MCTP1: variants seen among roughly 807,000 people sequenced by gnomAD.
MCTP1 encodes multiple C2 and transmembrane domain-containing protein 1.
MCTP1 carries 69 observed loss-of-function variants against 120.6 expected under a neutral mutation model. The ratio of observed to expected loss-of-function variants is 0.57; its 90% CI spans 0.47 to 0.70. The LOEUF is 0.70. MCTP1 is among the 30% of genes least tolerant of loss of function. The probability of loss-of-function intolerance (pLI) is 0.00; values close to 1 mark genes in which losing one functional copy is unlikely to be tolerated. For missense variants in MCTP1, 1,203 were observed against 1,248.8 expected (o/e 0.96, Z 0.55); for synonymous variants, 529 against 493.1 (o/e 1.07, Z -0.96).
chr5:95,042,023 G>A (rs908209651), intron 1 of MCTP1, among the ~76,000 whole-genome samples: 2 of 152,130 alleles, frequency 1.3e-5, no homozygotes, highest in African/African-American at 4.8e-5. Context: ...AGTTCAAAGT[G>A]CAAAAGTCTG....
intron 3 of MCTP1, among the ~76,000 whole-genome samples, chr5:94,951,473 C>G (rs1462458541): frequency 6.6e-6 from 1 of 152,132 alleles, no homozygotes; most frequent in African/African-American, 2.4e-5. Flanking sequence ...AAATAAACTT[C>G]TTTCTTCTCA....
At chr5:94,886,507 C>T (rs1385211929) in intron 12 of MCTP1, among the ~76,000 whole-genome samples, 1 of 152,102 alleles carries the variant, frequency 6.6e-6, no homozygotes, top group Non-Finnish European at 1.5e-5. Flanking sequence ...AGATTTGTCT[C>T]GTTAGACTTA....
chr5:94,992,302 G>A (rs1251775920), intron 2 of MCTP1, among the ~76,000 whole-genome samples: 2 of 152,102 alleles, frequency 1.3e-5, no homozygotes, highest in East Asian at 3.8e-4. Context: ...GGATGATGAT[G>A]ATGATGATGA....
intron 1 of MCTP1, among the ~76,000 whole-genome samples, chr5:95,225,340 G>C (rs1754137353): frequency 1.3e-5 from 2 of 152,116 alleles, no homozygotes; most frequent in South Asian, 4.1e-4. Flanking sequence ...AGAGATGTTA[G>C]AATAATTCAG....
At chr5:95,006,544 A>G (rs1288769353) in intron 2 of MCTP1, among the ~76,000 whole-genome samples, 3 of 152,200 alleles carry the variant, frequency 2.0e-5, no homozygotes, top group Non-Finnish European at 2.9e-5. Context: ...GCTATACCTG[A>G]TTCCCACCAA....
rs577175348 is a variant in MCTP1, at chr5:95,235,614, A to T, written c.720+48242T>A. On this transcript the variant is annotated intron_variant, in intron 1 of 22. Coordinates refer to ENST00000515393, the MANE Select transcript of MCTP1 (RefSeq NM_024717.7). Reference sequence around the variant, plus strand: ...CCTGAACTTAAAATAAAAGTTAGAAATTTTTTTTAAAAAGTGTATTGTGCA... The same window carrying T: ...CCTGAACTTAAAATAAAAGTTAGAATTTTTTTTTAAAAAGTGTATTGTGCA... 5.3e-5 allele frequency among the ~76,000 whole-genome samples: 8 copies of T among 152,186 alleles called. No homozygotes were observed. The East Asian group carries it at 5.8e-4, about 11-fold the overall frequency.
intron 1 of MCTP1, among the ~76,000 whole-genome samples, chr5:95,020,115 G>A (rs1837912622): frequency 6.6e-6 from 1 of 151,990 alleles, no homozygotes; most frequent in African/African-American, 2.4e-5. Context: ...TTTTCTACAT[G>A]CCCTGCATCT....
rs941075437 is a variant in MCTP1, at chr5:95,176,314, G to A, written c.720+107542C>T. Among the ~76,000 whole-genome samples, 6 of 152,136 alleles carry A rather than the reference G, an allele frequency of 3.9e-5. No homozygotes were observed. In the South Asian group the frequency reaches 8.3e-4, roughly 21 times the overall value. ...CAAAGGTGGGCAGATCACTTGAGCCGAGGAGTTCGAGACTAGCCTGGCCAC... is the reference window on the plus strand; with the variant it reads ...CAAAGGTGGGCAGATCACTTGAGCCAAGGAGTTCGAGACTAGCCTGGCCAC... On this transcript the variant is annotated intron_variant, in intron 1 of 22. Coordinates refer to ENST00000515393, the MANE Select transcript of MCTP1 (RefSeq NM_024717.7).
At chr5:94,779,072 C>G (rs113244703) in intron 19 of MCTP1, 38 bp downstream of exon 19, 2 of 1,571,990 alleles carry the variant, frequency 1.3e-6, no homozygotes, top group Non-Finnish European at 1.8e-6. Context: ...CTACATTTCC[C>G]CATCCCCAGG....
chr5:94,737,483 T>A lies in MCTP1; in HGVS notation c.2611-22597A>T, dbSNP rs184168235. 1.0e-3 allele frequency among the ~76,000 whole-genome samples: 159 copies of A among 152,314 alleles called. 1 individual carries two copies. The highest frequency in any genetic ancestry group is 3.7e-3 in the African/African-American group (153 of 41,576). Reference sequence around the variant, plus strand: ...TCACTGTTTGAATACTAAATAGGGATGTTTCTTGAGTGAGTACTGAATAGA... The same window carrying A: ...TCACTGTTTGAATACTAAATAGGGAAGTTTCTTGAGTGAGTACTGAATAGA... On this transcript the variant is annotated intron_variant, in intron 19 of 22. Coordinates refer to ENST00000515393, the MANE Select transcript of MCTP1 (RefSeq NM_024717.7).
Position 95,285,038 on chromosome 5 carries a change from C to G in MCTP1, c.-463G>C, listed in dbSNP as rs1486493521. ...CCCTCTGGGCAGCACCTGTCAGCGG[C>G]GGGGGCGGCTGCCTCCAAATTGGGC... is the stretch of plus-strand genomic sequence containing the variant. On this transcript the variant is annotated 5_prime_UTR_variant, in exon 1 of 23. Transcript: ENST00000515393. Among the ~76,000 whole-genome samples, 1 of 152,010 alleles carries G rather than the reference C, an allele frequency of 6.6e-6. No individual in the cohort carries two copies. The highest frequency in any genetic ancestry group is 6.5e-5 in the Admixed American group (1 of 15,278).
intron 1 of MCTP1, among the ~76,000 whole-genome samples, chr5:95,205,364 TA>T (rs1398119677): frequency 6.6e-6 from 1 of 151,980 alleles, no homozygotes; most frequent in Non-Finnish European, 1.5e-5. Context: ...ATCAAAGAAC[TA>T]AAGGTAAAAG....
chr5:94,910,184 G>A (rs1414479345), intron 9 of MCTP1, among the ~76,000 whole-genome samples: 1 of 92,760 alleles, frequency 1.1e-5, no homozygotes, highest in Admixed American at 1.1e-4. Context: ...ATATATGTAT[G>A]TGTGCATACA....
At chr5:94,812,660 AG>A (rs139994885) in intron 17 of MCTP1, among the ~76,000 whole-genome samples, 2,383 of 152,166 alleles carry the variant, frequency 0.016, 27 homozygotes, top group Middle Eastern at 0.034. Flanking sequence ...GCTACTTAGG[AG>A]GCTGAGGTAG....
chr5:94,828,273 C>T (rs1355889523), intron 17 of MCTP1, among the ~76,000 whole-genome samples: 17 of 152,198 alleles, frequency 1.1e-4, no homozygotes, highest in Non-Finnish European at 2.2e-4. Flanking sequence ...CTGGGTATCA[C>T]CAGCAGAGGC....
At chr5:95,231,955 CT>C (rs1411733079) in intron 1 of MCTP1, among the ~76,000 whole-genome samples, 1 of 152,002 alleles carries the variant, frequency 6.6e-6, no homozygotes, top group Non-Finnish European at 1.5e-5. Context: ...AACCTTAGTT[CT>C]TTTGTCATTT....
At chr5:94,962,136 A>T (rs1422302982) in intron 2 of MCTP1, among the ~76,000 whole-genome samples, 1 of 152,114 alleles carries the variant, frequency 6.6e-6, no homozygotes, top group Non-Finnish European at 1.5e-5. Context: ...AATAATAAAA[A>T]AAAAGAAATA....
chr5:94,821,167 G>A (rs1003359570), intron 17 of MCTP1, among the ~76,000 whole-genome samples: 1 of 152,176 alleles, frequency 6.6e-6, no homozygotes, highest in Admixed American at 6.5e-5. Context: ...TCTACTGAGG[G>A]AAGTTAAATG....
At chr5:95,053,559 GA>G (rs1746572400) in intron 1 of MCTP1, among the ~76,000 whole-genome samples, 2 of 152,158 alleles carry the variant, frequency 1.3e-5, no homozygotes, top group African/African-American at 4.8e-5. Flanking sequence ...GCAGGCTATT[GA>G]CAGACCGCAA....
Sources: allele counts gnomAD v4.1 joint callset (sites outside exome capture counted in the v4.1 genomes callset), GRCh38; gene constraint gnomAD v4.1.1; transcripts MANE v1.5; gene names NCBI Gene and HGNC (gene_info 2026-07-23, HGNC 2026-07-21).